RHOBTB2: variants seen among roughly 807,000 people sequenced by gnomAD.
RHOBTB2 encodes Rho related BTB domain containing 2.
A neutral mutation model predicts 66.5 loss-of-function variants in RHOBTB2; 39 were observed. That is an observed-to-expected ratio of 0.59 (90% CI 0.45 to 0.77). The LOEUF (loss-of-function observed/expected upper bound fraction) is 0.77, where lower values mean the gene tolerates loss of function less well. RHOBTB2 is among the 30% of genes least tolerant of loss of function. The pLI is 0.00. For synonymous variants in RHOBTB2, 390 were observed against 395.0 expected, an observed-to-expected ratio of 0.99 and a Z score of 0.15; for missense variants, 755 against 999.1, an observed-to-expected ratio of 0.76 and a Z score of 3.29.
At chr8:23,014,637 G>T in intron 7 of RHOBTB2, 53 bp from the exon 8 acceptor site, 2 of 1,493,904 alleles carry the variant, frequency 1.3e-6, no homozygotes, top group Non-Finnish European at 1.9e-6. Context: ...GTGGGGCAGG[G>T]TGAGCACAGG....
At chr8:22,969,218 C>T in the RHOBTB2 span, among the ~76,000 whole-genome samples, 2 of 152,180 alleles carry the variant, frequency 1.3e-5, no homozygotes, top group Admixed American at 6.5e-5. Flanking sequence ...TCTTGTGTGA[C>T]TTATTCACTA....
At chr8:23,005,297 CG>C in intron 2 of RHOBTB2, 74 bp from the exon 3 acceptor site, 1 of 1,109,838 alleles carries the variant, frequency 9.0e-7, no homozygotes, top group South Asian at 1.3e-5. Context: ...TGTCAGCCGG[CG>C]CTTATCCTGA....
intron 6 of RHOBTB2, 113 bp from the exon 7 acceptor site, chr8:23,010,425 C>A (rs1490941864): frequency 1.0e-5 from 13 of 1,248,090 alleles, no homozygotes; most frequent in Non-Finnish European, 1.4e-5. Context: ...GGGAAGGCTG[C>A]CCGTCTGGGG....
chr8:23,014,904 G>C, intron 8 of RHOBTB2, 126 bp downstream of exon 8: 1 of 754,058 alleles, frequency 1.3e-6, no homozygotes, highest in Non-Finnish European at 2.3e-6. Flanking sequence ...TGGGCTCTTT[G>C]ACTGCGCGTA....
At chr8:22,953,514 C>T in the RHOBTB2 span, among the ~76,000 whole-genome samples, 11 of 152,344 alleles carry the variant, frequency 7.2e-5, no homozygotes, top group East Asian at 1.9e-4. Flanking sequence ...ATTCTGCAAG[C>T]GATGAGTGAC....
intron 1 of RHOBTB2, among the ~76,000 whole-genome samples, chr8:22,988,600 C>A (rs1810345794): frequency 6.6e-6 from 1 of 152,152 alleles, no homozygotes; most frequent in Non-Finnish European, 1.5e-5. Context: ...CTAATCCTCT[C>A]CCTCTCTTGC....
At chr8:22,958,950 G>C in the RHOBTB2 span, among the ~76,000 whole-genome samples, 2 of 152,288 alleles carry the variant, frequency 1.3e-5, no homozygotes, top group South Asian at 4.1e-4. Flanking sequence ...TGGGGCCACT[G>C]TGTATGGTAA....
chr8:22,972,308 T>C, the RHOBTB2 span, among the ~76,000 whole-genome samples: 2 of 152,296 alleles, frequency 1.3e-5, no homozygotes, highest in Non-Finnish European at 2.9e-5. Context: ...CCAAAGTATA[T>C]TCATTTTTAT....
upstream of RHOBTB2, among the ~76,000 whole-genome samples, chr8:22,998,171 C>T (rs1810630420): frequency 1.3e-5 from 2 of 152,180 alleles, no homozygotes; most frequent in South Asian, 4.1e-4. Flanking sequence ...GGACAGCTTC[C>T]AAGTATATGC....
At chr8:23,003,485 G>A (rs1800418604) in intron 1 of RHOBTB2, among the ~76,000 whole-genome samples, 1 of 152,206 alleles carries the variant, frequency 6.6e-6, no homozygotes, top group South Asian at 2.1e-4. Flanking sequence ...ACCTAGGAGT[G>A]CCAGCTGCCT....
At position 23,014,760 on chromosome 8, in the gene RHOBTB2, G is replaced by A; in HGVS notation, c.1842G>A (p.Val614=). 1 of 1,614,072 alleles carries A rather than the reference G, an allele frequency of 6.2e-7. No homozygotes were observed. Among genetic ancestry groups the A allele is most frequent in the Non-Finnish European group, 8.5e-7 (1 of 1,179,926 alleles). Residue 614 remains valine (V), a synonymous_variant, in exon 8 of 10, where the codon GTG becomes GTA. Coordinates refer to ENST00000251822, the MANE Select transcript of RHOBTB2 (RefSeq NM_015178.3). ...TGGACATCGATGGGGACGTCCTTGT[G>A]TTCCTGGAACTGGCTCAGGTATCAT... ...MMVDIDGDVL[V]FLELAQFHCA...
At chr8:22,953,445 C>A in the RHOBTB2 span, among the ~76,000 whole-genome samples, 49 of 152,256 alleles carry the variant, frequency 3.2e-4, no homozygotes, top group Middle Eastern at 3.4e-3. Context: ...GTGGGAGGGA[C>A]CCTCTCCTGC....
At chr8:22,973,057 A>G in the RHOBTB2 span, among the ~76,000 whole-genome samples, 3 of 150,822 alleles carry the variant, frequency 2.0e-5, no homozygotes, top group African/African-American at 2.5e-5. Context: ...GTGCTTCTCA[A>G]CCTTGCTGCC....
At chr8:23,001,978 G>A (rs1810799344) in intron 1 of RHOBTB2, among the ~76,000 whole-genome samples, 1 of 152,194 alleles carries the variant, frequency 6.6e-6, no homozygotes, top group Admixed American at 6.5e-5. Context: ...GCACAGGTGG[G>A]CAGCAGTGTT....
At chr8:22,995,992 A>G, upstream of RHOBTB2, 2 of 1,027,282 alleles carry the variant, frequency 1.9e-6, no homozygotes, top group South Asian at 2.7e-5. Context: ...GGCACTGGGA[A>G]GGGGCCTTCA....
At chr8:22,987,053 T>C (rs939750413), upstream of RHOBTB2, among the ~76,000 whole-genome samples, 2 of 152,230 alleles carry the variant, frequency 1.3e-5, no homozygotes, top group African/African-American at 4.8e-5. Flanking sequence ...ACTGGTGGGG[T>C]TGAAGCCATA....
chr8:22,959,861 T>A, the RHOBTB2 span, among the ~76,000 whole-genome samples: 1 of 150,896 alleles, frequency 6.6e-6, no homozygotes, highest in Non-Finnish European at 1.5e-5. Flanking sequence ...TATTCTAGAG[T>A]TTGTTACAAG....
At chr8:22,952,796 A>G in the RHOBTB2 span, among the ~76,000 whole-genome samples, 2 of 152,060 alleles carry the variant, frequency 1.3e-5, no homozygotes, top group Non-Finnish European at 2.9e-5. Context: ...TCCCAGCTAC[A>G]TGGGAGGCTG....
At position 23,015,699 on chromosome 8, in the gene RHOBTB2, A is replaced by G; in HGVS notation, c.1922A>G (p.Asn641Ser). The G allele has an allele frequency of 2.5e-6, 4 of 1,613,630 alleles. No homozygotes were observed. Among genetic ancestry groups the G allele is most frequent in the Non-Finnish European group, 3.4e-6 (4 of 1,179,754 alleles). ...CLHHICTNYN[N>S]VCRKFPRDMK... ...CACCACATCTGCACCAACTACAACAACGTGTGCCGCAAGTTCCCCCGAGAC... is the reference window on the plus strand; with the variant it reads ...CACCACATCTGCACCAACTACAACAGCGTGTGCCGCAAGTTCCCCCGAGAC... Residue 641 changes from asparagine (N) to serine (S), a missense_variant, in exon 9 of 10, where the codon AAC (asparagine) becomes AGC (serine). Asn to Ser is a conservative substitution (Grantham distance 46). Transcript: ENST00000251822.
Sources: gnomAD v4.1 joint callset for allele counts (sites outside exome capture counted in the v4.1 genomes callset) on GRCh38, gnomAD v4.1.1 for gene constraint, MANE v1.5 for transcripts, NCBI Gene and HGNC (gene_info 2026-07-23, HGNC 2026-07-21) for gene names.